Variants in SLCO1A2 observed in about 807,000 individuals in gnomAD.
SLCO1A2 encodes the protein solute carrier organic anion transporter family member 1A2.
SLCO1A2 carries 67 observed loss-of-function variants against 69.0 expected under a neutral mutation model. That is an observed-to-expected ratio of 0.97 (90% CI 0.80 to 1.19). The LOEUF (loss-of-function observed/expected upper bound fraction) is 1.19, where lower values mean the gene tolerates loss of function less well. Among genes scored for constraint, SLCO1A2 ranks in the 50% most tolerant of loss-of-function variants. SLCO1A2 has a pLI of 0.00. For synonymous variants in SLCO1A2, 260 were observed against 265.9 expected (o/e 0.98, Z 0.22); for missense variants, 787 against 793.7 (o/e 0.99, Z 0.10).
rs1947341093 is a variant in SLCO1A2, at chr12:21,294,085, T to G, written c.1297A>C (p.Asn433His). The change falls in exon 11 of 15, where the codon AAT becomes CAT. Residue 433 changes from asparagine (N) to histidine (H), a missense_variant. By Grantham distance (68) the Asn-to-His change is moderately conservative. Coordinates refer to ENST00000683939, the MANE Select transcript of SLCO1A2 (RefSeq NM_001386879.1). ...ACATTGCAATCAGCAAAGATGTCAT[T>G]TTCCACATATAAATCTTGTGGAATT... ...EGIPQDLYVE[N>H]DIFADCNVDC... is the part of the protein sequence containing the mutation. The G allele has an allele frequency of 3.7e-6, 6 of 1,602,338 alleles. No individual in the cohort carries two copies. Among genetic ancestry groups the G allele is most frequent in the Non-Finnish European group, 5.1e-6 (6 of 1,174,982 alleles).
At chr12:21,323,651 T>C (rs1022200779) in intron 2 of SLCO1A2, among the ~76,000 whole-genome samples, 1 of 152,222 alleles carries the variant, frequency 6.6e-6, no homozygotes, top group Non-Finnish European at 1.5e-5. Context: ...GGGAGTCTTA[T>C]ATCCAGAAGG....
Position 21,318,901 on chromosome 12 carries a change from CAT to C in SLCO1A2, c.81_82del (p.Ala29IlefsTer33), listed in dbSNP as rs753216161. 1.7e-5 allele frequency: 27 copies of C among 1,589,772 alleles called. No individual in the cohort carries two copies. The highest frequency in any genetic ancestry group is 1.5e-4 in the African/African-American group (11 of 73,642). On this transcript the variant is annotated frameshift_variant, in exon 3 of 15. Coordinates refer to ENST00000683939, the MANE Select transcript of SLCO1A2 (RefSeq NM_001386879.1). LOFTEE classifies it high-confidence loss of function. ...AGACAGTGTTTTGGATACAAATGCACATGTTATTGCCAACAGAAACATCTAGG... is the reference window on the plus strand; with the variant it reads ...AGACAGTGTTTTGGATACAAATGCACGTTATTGCCAACAGAAACATCTAGG...
rs533889751 is a variant in SLCO1A2, at chr12:21,353,079, G to A, written c.-62-18370C>T. 9.9e-5 allele frequency among the ~76,000 whole-genome samples: 15 copies of A among 152,176 alleles called. No individual in the cohort carries two copies. In the East Asian group the frequency reaches 1.2e-3, roughly 12 times the overall value. ...AAGGTCTGTTTAAACATTCAAATTCGAATCAGAATTCCTTTGACTATACAC... is the reference window on the plus strand; with the variant it reads ...AAGGTCTGTTTAAACATTCAAATTCAAATCAGAATTCCTTTGACTATACAC... On this transcript the variant is annotated intron_variant, in intron 2 of 15. Transcript: ENST00000307378.
chr12:21,293,903 C>G (rs924330724), intron 11 of SLCO1A2, 42 bp downstream of exon 11: 2 of 1,537,788 alleles, frequency 1.3e-6, no homozygotes, highest in Non-Finnish European at 1.8e-6. Flanking sequence ...TTGGGAAGTA[C>G]CAATGCAACT....
intron 1 of SLCO1A2, among the ~76,000 whole-genome samples, chr12:21,377,538 C>T (rs1353280106): frequency 6.6e-6 from 1 of 152,176 alleles, no homozygotes; most frequent in African/African-American, 2.4e-5. Flanking sequence ...TGAAGCTGTA[C>T]ACCCAATGGT....
At chr12:21,318,489 T>C (rs1188988282) in intron 3 of SLCO1A2, among the ~76,000 whole-genome samples, 1 of 152,166 alleles carries the variant, frequency 6.6e-6, no homozygotes, top group Non-Finnish European at 1.5e-5. Context: ...TCAAATGATA[T>C]TTAAATATAA....
At chr12:21,282,322 A>G (rs190083659) in intron 12 of SLCO1A2, among the ~76,000 whole-genome samples, 10 of 152,232 alleles carry the variant, frequency 6.6e-5, no homozygotes, top group African/African-American at 1.9e-4. Flanking sequence ...AAAAGAACAA[A>G]CGAATAAAAC....
chr12:21,304,028 TAA>T (rs1949045921), intron 6 of SLCO1A2, among the ~76,000 whole-genome samples: 1 of 152,008 alleles, frequency 6.6e-6, no homozygotes, highest in South Asian at 2.1e-4. Flanking sequence ...GAGAAAATAA[TAA>T]AGAGAAACTA....
chr12:21,274,407 T>C, intron 14 of SLCO1A2, 62 bp downstream of exon 14: 1 of 1,034,660 alleles, frequency 9.7e-7, no homozygotes. Context: ...TACGTGTGAA[T>C]GGTGCTGCGT....
intron 2 of SLCO1A2, chr12:21,373,334 C>A: frequency 8.3e-6 from 13 of 1,573,368 alleles, no homozygotes; most frequent in Non-Finnish European, 1.0e-5. Context: ...TTATTCTTTG[C>A]AGAAAATTTG....
At chr12:21,305,821 G>C (rs1426306563) in intron 5 of SLCO1A2, among the ~76,000 whole-genome samples, 3 of 152,238 alleles carry the variant, frequency 2.0e-5, no homozygotes, top group Admixed American at 2.0e-4. Flanking sequence ...CTGACTCAAT[G>C]ATGGTCATGA....
At chr12:21,277,494 C>CTT (rs3060667) in intron 12 of SLCO1A2, among the ~76,000 whole-genome samples, 54,358 of 150,688 alleles carry the variant, frequency 0.36, 10,266 homozygotes, top group African/African-American at 0.48. Context: ...GTGAGAGACT[C>CTT]TCTGTTTGAG....
intron 2 of SLCO1A2, among the ~76,000 whole-genome samples, chr12:21,330,066 T>C (rs1355517225): frequency 6.6e-6 from 1 of 152,112 alleles, no homozygotes; most frequent in East Asian, 1.9e-4. Context: ...GTCTTTAATA[T>C]AATTTGGTAG....
At chr12:21,411,841 G>T (rs531509235) in intron 1 of SLCO1A2, among the ~76,000 whole-genome samples, 6 of 151,762 alleles carry the variant, frequency 4.0e-5, no homozygotes, top group African/African-American at 1.2e-4. Flanking sequence ...ACTCCACCAC[G>T]CCCAGCTAAT....
At position 21,327,232 on chromosome 12, in the gene SLCO1A2, TCAGAGGATGTATGGAAACA is replaced by T. The variant is rs764209382; in HGVS notation, c.60+7337_60+7355del. The stretch of plus-strand genomic sequence containing the variant: ...AGGTTTGGGAACCTCTGCCTAGATT[TCAGAGGATGTATGGAAACA>T]CCTGGATGTCCAGGCAGAGGTATGC... On this transcript the variant is annotated intron_variant, in intron 2 of 14. Coordinates refer to ENST00000683939, the MANE Select transcript of SLCO1A2 (RefSeq NM_001386879.1). Among the ~76,000 whole-genome samples the T allele has an allele frequency of 2.2e-4, 34 of 152,230 alleles. 1 individual carries two copies. The highest frequency in any genetic ancestry group is 2.1e-4 in the South Asian group (1 of 4,822).
At chr12:21,386,550 C>G (rs758927666) in intron 1 of SLCO1A2, among the ~76,000 whole-genome samples, 1 of 152,246 alleles carries the variant, frequency 6.6e-6, no homozygotes, top group South Asian at 2.1e-4. Flanking sequence ...CTGCACTTCT[C>G]TCTTGCCTTT....
chr12:21,295,768 C>G lies in SLCO1A2; in HGVS notation c.1100G>C (p.Cys367Ser). The change falls in exon 10 of 15, where the codon TGT (cysteine) becomes TCT (serine). Residue 367 changes from cysteine to serine, a missense_variant. By Grantham distance (112) the Cys-to-Ser change is moderately radical (BLOSUM62 -1). Coordinates refer to ENST00000683939, the MANE Select transcript of SLCO1A2 (RefSeq NM_001386879.1). Reference protein sequence around the residue: ...LMGIYNLPPICIGYIIGGLIM... With the variant: ...LMGIYNLPPISIGYIIGGLIM... ...TAAACCACCAATTATATATCCAATA[C>G]ATATTGGAGGTAAGTTATAAATACC... is the stretch of plus-strand genomic sequence containing the variant. 2 of 1,557,590 alleles carry G rather than the reference C, an allele frequency of 1.3e-6. No individual in the cohort carries two copies. The highest frequency in any genetic ancestry group is 2.3e-5 in the South Asian group (2 of 88,254).
chr12:21,315,048 C>A (rs1950702093), intron 3 of SLCO1A2, among the ~76,000 whole-genome samples: 1 of 152,168 alleles, frequency 6.6e-6, no homozygotes, highest in Non-Finnish European at 1.5e-5. Context: ...CTGCATGTGA[C>A]CTCTGGCCTC....
At chr12:21,337,849 T>C (rs946182522), upstream of SLCO1A2, among the ~76,000 whole-genome samples, 1 of 151,982 alleles carries the variant, frequency 6.6e-6, no homozygotes, top group African/African-American at 2.4e-5. Context: ...TCAGAGGAGG[T>C]ACTAAGAATG....
Sources: gnomAD v4.1 joint callset for allele counts (sites outside exome capture counted in the v4.1 genomes callset) on GRCh38, gnomAD v4.1.1 for gene constraint, MANE v1.5 for transcripts, NCBI Gene and HGNC (gene_info 2026-07-23, HGNC 2026-07-21) for gene names.